FMN1: variants seen among roughly 807,000 people sequenced by gnomAD.
The protein encoded by FMN1 is formin-1.
In FMN1, 110 loss-of-function variants were observed where a neutral mutation model predicts 132.4. The ratio of observed to expected loss-of-function variants is 0.83; its 90% CI spans 0.71 to 0.97. FMN1 has a LOEUF of 0.97. Ranked by LOEUF, FMN1 falls within the 50% of genes least tolerant of loss-of-function variation. The probability of loss-of-function intolerance (pLI) is 0.00; values close to 1 mark genes in which losing one functional copy is unlikely to be tolerated. For missense variants in FMN1, 1,792 were observed against 1,705.3 expected, an observed-to-expected ratio of 1.05 and a Z score of -0.90; for synonymous variants, 722 against 651.7, an observed-to-expected ratio of 1.11 and a Z score of -1.64.
rs1555449456 is a variant in FMN1, at chr15:32,772,173, CATT to C, written c.*2134_*2136del. On this transcript the variant is annotated 3_prime_UTR_variant, in exon 21 of 21. Transcript: ENST00000616417. ...AACTCTCAAATTAAGTGTTCTCACT[CATT>C]ATTCTTCAGCACTGGTTCCTGAAGG... The C allele has an allele frequency of 6.6e-6, 1 of 152,212 alleles. No individual in the cohort carries two copies. Among genetic ancestry groups the C allele is most frequent in the Non-Finnish European group, 1.5e-5 (1 of 68,048 alleles). The allele number at this position is 152,212 out of a possible 1,614,324, so 9.4% of individuals were successfully genotyped here.
chr15:32,964,016 T>TTATAC, intron 9 of FMN1, 91 bp downstream of exon 9: 1 of 506,190 alleles, frequency 2.0e-6, no homozygotes, highest in Non-Finnish European at 3.5e-6. Flanking sequence ...GTATATACGA[T>TTATAC]ACACACACAC....
intron 8 of FMN1, among the ~76,000 whole-genome samples, chr15:32,967,834 G>A (rs1466475191): frequency 6.6e-6 from 1 of 152,200 alleles, no homozygotes; most frequent in East Asian, 1.9e-4. Context: ...ATAAATTGAA[G>A]AATGCATTAC....
intron 18 of FMN1, among the ~76,000 whole-genome samples, chr15:32,802,439 AAGAATTCACT>A (rs1427140114): frequency 1.3e-5 from 2 of 152,232 alleles, no homozygotes; most frequent in Admixed American, 6.5e-5. Flanking sequence ...AATAAAACAT[AAGAATTCACT>A]AATCTCACAC....
chr15:32,984,785 T>A (rs2032947418), intron 7 of FMN1, among the ~76,000 whole-genome samples: 1 of 152,072 alleles, frequency 6.6e-6, no homozygotes, highest in South Asian at 2.1e-4. Flanking sequence ...AGGATCCATA[T>A]GTCATGAGAA....
At chr15:33,124,552 T>TGA (rs3980152) in intron 4 of FMN1, among the ~76,000 whole-genome samples, 134,728 of 152,080 alleles carry the variant, frequency 0.89, 59,781 homozygotes, top group East Asian at 0.97. Context: ...TAGCCAGGGT[T>TGA]GAGTCATCGG....
intron 4 of FMN1, chr15:33,105,880 G>A (rs2039465817): frequency 6.6e-6 from 1 of 152,062 alleles, no homozygotes; most frequent in African/African-American, 2.4e-5. Context: ...TCTCATTACT[G>A]TCTGAGCTTG....
chr15:32,914,606 TA>T (rs1293554396), intron 10 of FMN1, among the ~76,000 whole-genome samples: 3 of 152,210 alleles, frequency 2.0e-5, no homozygotes, highest in African/African-American at 7.2e-5. Context: ...AAAATTATAT[TA>T]CACACACAAA....
chr15:32,911,050 A>G (rs771730806), intron 10 of FMN1, among the ~76,000 whole-genome samples: 1 of 152,260 alleles, frequency 6.6e-6, no homozygotes, highest in African/African-American at 2.4e-5. Context: ...AGAAAAAACA[A>G]TAATTGCATC....
intron 17 of FMN1, among the ~76,000 whole-genome samples, chr15:32,843,581 G>A (rs745590903): frequency 6.6e-6 from 1 of 152,180 alleles, no homozygotes; most frequent in South Asian, 2.1e-4. Flanking sequence ...TTACTTACTT[G>A]AATATATTAT....
chr15:32,791,776 T>C (rs142446766), intron 19 of FMN1, among the ~76,000 whole-genome samples: 15 of 152,200 alleles, frequency 9.9e-5, no homozygotes, highest in Non-Finnish European at 1.8e-4. Context: ...CTTTTGCTAA[T>C]AGGAGGAGGA....
intron 9 of FMN1, among the ~76,000 whole-genome samples, chr15:32,959,659 TCAGA>T (rs1464296663): frequency 6.6e-6 from 1 of 152,156 alleles, no homozygotes; most frequent in Admixed American, 6.5e-5. Flanking sequence ...ATTTTCCCCC[TCAGA>T]CAGAGAAACA....
Position 32,924,928 on chromosome 15 carries a change from C to T in FMN1, c.3226+1246G>A, listed in dbSNP as rs140178313. ...AAACTCCGTCTCAAAACAAACCAAA[C>T]CAAAAACCAAAAAAACCCCCAAAGA... On this transcript the variant is annotated intron_variant, in intron 10 of 20. Coordinates refer to ENST00000616417, the MANE Select transcript of FMN1 (RefSeq NM_001277313.2). Among the ~76,000 whole-genome samples, 137 of 152,100 alleles carry T rather than the reference C, an allele frequency of 9.0e-4. No individual in the cohort carries two copies. In the East Asian group the frequency reaches 0.013, roughly 15 times the overall value.
At chr15:32,902,335 A>G (rs1028496622) in intron 12 of FMN1, among the ~76,000 whole-genome samples, 1 of 152,230 alleles carries the variant, frequency 6.6e-6, no homozygotes, top group Non-Finnish European at 1.5e-5. Flanking sequence ...TGCTGCCCAA[A>G]CAAGAGACTA....
At position 32,780,404 on chromosome 15, in the gene FMN1, G is replaced by C. The variant is rs370168776; in HGVS notation, c.4131-3485C>G. 1.6e-4 allele frequency among the ~76,000 whole-genome samples: 24 copies of C among 152,164 alleles called. 1 individual carries two copies. The highest frequency in any genetic ancestry group is 5.8e-4 in the African/African-American group (24 of 41,442). Reference sequence around the variant, plus strand: ...ACTGCTACACTCCCATTAGTGCCAAGACAGTTTACAAATGTCATGGCAATA... The same window carrying C: ...ACTGCTACACTCCCATTAGTGCCAACACAGTTTACAAATGTCATGGCAATA... On this transcript the variant is annotated intron_variant, in intron 19 of 20. Transcript: ENST00000616417.
intron 16 of FMN1, among the ~76,000 whole-genome samples, chr15:32,861,789 C>A (rs549860500): frequency 6.6e-6 from 1 of 152,156 alleles, no homozygotes; most frequent in African/African-American, 2.4e-5. Context: ...GAAGTTCCAC[C>A]ACCCATTGTG....
chr15:33,127,725 A>C (rs1444909110), intron 4 of FMN1, among the ~76,000 whole-genome samples: 2 of 152,212 alleles, frequency 1.3e-5, no homozygotes, highest in Non-Finnish European at 2.9e-5. Flanking sequence ...GGTTTCAGGC[A>C]GGTTATATTG....
At chr15:33,179,270 A>G (rs568898122) in intron 3 of FMN1, among the ~76,000 whole-genome samples, 10 of 152,356 alleles carry the variant, frequency 6.6e-5, no homozygotes, top group African/African-American at 2.4e-4. Context: ...GTGAAAAGTA[A>G]AGAAAAAATT....
At chr15:32,827,665 A>T (rs1195749522) in intron 17 of FMN1, among the ~76,000 whole-genome samples, 1 of 151,846 alleles carries the variant, frequency 6.6e-6, no homozygotes, top group African/African-American at 2.4e-5. Flanking sequence ...CCTGGCTAAC[A>T]TCCGTCGCTA....
At chr15:33,053,246 A>G (rs2037061785) in intron 6 of FMN1, among the ~76,000 whole-genome samples, 1 of 152,214 alleles carries the variant, frequency 6.6e-6, no homozygotes, top group Admixed American at 6.5e-5. Flanking sequence ...CAGACAGCAG[A>G]ACTAAAAAAA....
Sources: gnomAD v4.1 joint callset for allele counts (sites outside exome capture counted in the v4.1 genomes callset) on GRCh38, gnomAD v4.1.1 for gene constraint, MANE v1.5 for transcripts, NCBI Gene and HGNC (gene_info 2026-07-23, HGNC 2026-07-21) for gene names.